Variants in PDE6A observed in about 807,000 individuals in gnomAD.
PDE6A encodes the protein phosphodiesterase 6A.
A neutral mutation model predicts 106.3 loss-of-function variants in PDE6A; 84 were observed. The observed-to-expected ratio is 0.79, with a 90% CI of 0.66 to 0.95. The LOEUF (loss-of-function observed/expected upper bound fraction) is 0.95, where lower values mean the gene tolerates loss of function less well. Ranked by LOEUF, PDE6A falls within the 40% of genes least tolerant of loss-of-function variation. The pLI, the probability that PDE6A is intolerant of heterozygous loss-of-function variation, is 0.00. For missense variants in PDE6A, 1,052 were observed against 1,084.9 expected (o/e 0.97, Z 0.43); for synonymous variants, 394 against 386.6 (o/e 1.02, Z -0.23).
chr5:149,896,189 G>A lies in PDE6A; in HGVS notation c.1620+167C>T, dbSNP rs115437889. 3.4e-3 allele frequency among the ~76,000 whole-genome samples: 512 copies of A among 152,276 alleles called. 5 individuals are homozygous for A. Among genetic ancestry groups the A allele is most frequent in the African/African-American group, 0.011 (476 of 41,548 alleles). On this transcript the variant is annotated intron_variant, in intron 12 of 21. Coordinates refer to ENST00000255266, the MANE Select transcript of PDE6A (RefSeq NM_000440.3). ...TTCACAGGACACAGAGGAACAGCGT[G>A]TCTCTTTTCTTATAAATGACTCATC...
intron 7 of PDE6A, among the ~76,000 whole-genome samples, chr5:149,905,786 G>A (rs1246083632): frequency 6.6e-6 from 1 of 152,196 alleles, no homozygotes; most frequent in African/African-American, 2.4e-5. Flanking sequence ...ATGATGCTCT[G>A]GTTACTTTGC....
intron 4 of PDE6A, among the ~76,000 whole-genome samples, chr5:149,928,231 A>ATTTTTTTTTT (rs1165259453): frequency 2.9e-3 from 58 of 19,740 alleles, no homozygotes; most frequent in Non-Finnish European, 3.4e-3. Context: ...ATATATATAT[A>ATTTTTTTTTT]TTTTTTTTTT....
intron 17 of PDE6A, among the ~76,000 whole-genome samples, chr5:149,872,060 A>G (rs1171410840): frequency 1.3e-5 from 2 of 152,206 alleles, no homozygotes; most frequent in East Asian, 1.9e-4. Flanking sequence ...TGTGAACCTT[A>G]TGCTCTCAGT....
chr5:149,895,186 C>T lies in PDE6A; in HGVS notation c.1725G>A (p.Leu575=). ...AGCCCCACCGGCCCCGCCATACCAC[C>T]AGCAGGGAGAACATGGTCTGCCCCA... The part of the protein sequence containing the change: ...FNVGQTMFSL[L]VTGKLKRYFT... Residue 575 remains leucine (L), a synonymous_variant, in exon 13 of 22, where the codon CTG becomes CTA. Coordinates refer to ENST00000255266, the MANE Select transcript of PDE6A (RefSeq NM_000440.3). The T allele has an allele frequency of 6.2e-7, 1 of 1,608,560 alleles. No homozygotes were observed. Among genetic ancestry groups the T allele is most frequent in the Non-Finnish European group, 8.5e-7 (1 of 1,174,894 alleles).
intron 5 of PDE6A, 147 bp from the exon 6 acceptor site, chr5:149,915,154 C>G: frequency 1.7e-6 from 1 of 587,384 alleles, no homozygotes; most frequent in African/African-American, 1.9e-5. Flanking sequence ...TCTGCCTCAG[C>G]CTCCCGAGTA....
At chr5:149,942,434 TG>T (rs1390645894) in intron 1 of PDE6A, among the ~76,000 whole-genome samples, 1 of 152,100 alleles carries the variant, frequency 6.6e-6, no homozygotes, top group East Asian at 1.9e-4. Flanking sequence ...CCCTTACTCC[TG>T]GGAAGTCACC....
intron 21 of PDE6A, among the ~76,000 whole-genome samples, chr5:149,861,941 A>G (rs1484724704): frequency 6.6e-6 from 1 of 152,210 alleles, no homozygotes; most frequent in Admixed American, 6.5e-5. Flanking sequence ...CAAAATAGCT[A>G]TACACATCTG....
In PDE6A at chr5:149,934,748, G is replaced by A. The variant is rs371055557; in HGVS notation, c.475-30C>T. 1.7e-5 allele frequency: 27 copies of A among 1,612,220 alleles called. No individual in the cohort carries two copies. The African/African-American group carries it at 3.5e-4, about 21-fold the overall frequency. ...AGGAAGGCAGAGATAAGCACGGACAGGCAAATGAAGAGCAAGAACAGTGGA... is the reference window on the plus strand; with the variant it reads ...AGGAAGGCAGAGATAAGCACGGACAAGCAAATGAAGAGCAAGAACAGTGGA... On this transcript the variant is annotated intron_variant, in intron 1 of 21. Transcript: ENST00000255266.
chr5:149,895,073 G>T, intron 13 of PDE6A, 110 bp downstream of exon 13: 1 of 754,184 alleles, frequency 1.3e-6, no homozygotes, highest in South Asian at 1.4e-5. Flanking sequence ...ACTCTTAAAA[G>T]ACAATAAATA....
chr5:149,922,941 C>T (rs1753763007), intron 4 of PDE6A, among the ~76,000 whole-genome samples: 1 of 152,266 alleles, frequency 6.6e-6, no homozygotes, highest in African/African-American at 2.4e-5. Context: ...AAACCAAAAC[C>T]CAATTTAGGA....
chr5:149,922,750 A>G (rs925118585), intron 4 of PDE6A, among the ~76,000 whole-genome samples: 2 of 152,258 alleles, frequency 1.3e-5, no homozygotes, highest in Non-Finnish European at 2.9e-5. Flanking sequence ...GAAAAAAATG[A>G]TATCAAATAT....
intron 6 of PDE6A, among the ~76,000 whole-genome samples, chr5:149,914,672 G>C (rs1409434182): frequency 1.6e-5 from 2 of 127,090 alleles, no homozygotes; most frequent in Non-Finnish European, 3.4e-5. Context: ...AAAAAAAAAA[G>C]GTAGCAGTAA....
In PDE6A at chr5:149,863,180, C is replaced by T. The variant is rs760569226; in HGVS notation, c.2445G>A (p.Glu815=). The T allele has an allele frequency of 6.8e-6, 11 of 1,614,214 alleles. No homozygotes were observed. The highest frequency in any genetic ancestry group is 9.3e-6 in the Non-Finnish European group (11 of 1,180,036). The change falls in exon 21 of 22, where the codon GAG becomes GAA. Residue 815 remains glutamate, a synonymous_variant. Coordinates refer to ENST00000255266, the MANE Select transcript of PDE6A (RefSeq NM_000440.3). The surrounding 1 kb of genome is among the most constrained non-coding windows in gnomAD (Gnocchi z 4.7). ...CCTGCACCTTCATCTTGGCATCGTACTCATCAGCAAGCGCCTTCCACTCCT... is the reference window on the plus strand; with the variant it reads ...CCTGCACCTTCATCTTGGCATCGTATTCATCAGCAAGCGCCTTCCACTCCT... ...NRKEWKALAD[E]YDAKMKVQEE... is the part of the protein sequence containing the mutation.
At chr5:149,906,264 G>C (rs138367105) in intron 7 of PDE6A, among the ~76,000 whole-genome samples, 1 of 151,550 alleles carries the variant, frequency 6.6e-6, no homozygotes, top group Non-Finnish European at 1.5e-5. Flanking sequence ...GGTGGTTCAC[G>C]CCTATAATCC....
rs1207013879 is a variant in PDE6A, at chr5:149,863,329, G to A, written c.2359-63C>T. ...GGCCACAGGGTCTGGGCTCAAGCGGGTGGCACAGCTGGAAACGTCCAACAC... is the reference window on the plus strand; with the variant it reads ...GGCCACAGGGTCTGGGCTCAAGCGGATGGCACAGCTGGAAACGTCCAACAC... On this transcript the variant is annotated intron_variant, in intron 20 of 21. Transcript: ENST00000255266. The surrounding 1 kb of genome is among the most constrained non-coding windows in gnomAD (Gnocchi z 4.7). 6 of 1,564,670 alleles carry A rather than the reference G, an allele frequency of 3.8e-6. No homozygotes were observed. In the East Asian group the frequency reaches 1.1e-4, roughly 29 times the overall value.
intron 4 of PDE6A, among the ~76,000 whole-genome samples, chr5:149,927,824 T>C (rs1753904284): frequency 6.6e-6 from 1 of 151,922 alleles, no homozygotes; most frequent in Non-Finnish European, 1.5e-5. Context: ...TTTTTTCTCT[T>C]AAATTTTTTT....
chr5:149,886,716 T>C (rs17096125), intron 13 of PDE6A, among the ~76,000 whole-genome samples: 17,697 of 152,190 alleles, frequency 0.12, 1,152 homozygotes, highest in South Asian at 0.23. Flanking sequence ...TTTGAGAAAC[T>C]TGTAGAAGTC....
chr5:149,884,701 T>C lies in PDE6A; in HGVS notation c.1926+79A>G. 2.7e-6 allele frequency: 4 copies of C among 1,487,620 alleles called. No homozygotes were observed. The South Asian group carries it at 4.5e-5, about 17-fold the overall frequency. 92.2% of individuals were successfully genotyped at this position (1,487,620 alleles called of 1,614,324 possible). ...CCAGGCCAATGGGAAGAATGCTCCC[T>C]GGGCACACTCAGGCTCCTTGTGAAA... On this transcript the variant is annotated intron_variant, in intron 15 of 21. Coordinates refer to ENST00000255266, the MANE Select transcript of PDE6A (RefSeq NM_000440.3).
intron 6 of PDE6A, among the ~76,000 whole-genome samples, chr5:149,910,286 C>G (rs1581192849): frequency 6.6e-6 from 1 of 152,092 alleles, no homozygotes; most frequent in Non-Finnish European, 1.5e-5. Flanking sequence ...TATGTTCAAC[C>G]TCTTTGTATT....
Sources: allele counts gnomAD v4.1 joint callset (sites outside exome capture counted in the v4.1 genomes callset), GRCh38; gene constraint gnomAD v4.1.1; non-coding constraint Gnocchi (gnomAD v3.1); transcripts MANE v1.5; gene names NCBI Gene and HGNC (gene_info 2026-07-23, HGNC 2026-07-21).